THRAP3: variants seen among roughly 807,000 people sequenced by gnomAD.
THRAP3 encodes the protein thyroid hormone receptor-associated protein 3.
In THRAP3, 16 loss-of-function variants were observed where a neutral mutation model predicts 101.0. That is an observed-to-expected ratio of 0.16 (90% CI 0.11 to 0.24). The LOEUF is 0.24. Among genes scored for constraint, THRAP3 ranks in the 10% least tolerant of loss-of-function variants. THRAP3 has a pLI of 1.00. For synonymous variants in THRAP3, 407 were observed against 422.6 expected, an observed-to-expected ratio of 0.96 and a Z score of 0.45; for missense variants, 989 against 1,202.7, an observed-to-expected ratio of 0.82 and a Z score of 2.63.
Position 36,282,636 on chromosome 1 carries a change from C to A in THRAP3, c.73C>A (p.Arg25Ser). The change falls in exon 3 of 12, where the codon CGT becomes AGT. Residue 25 changes from arginine (R) to serine (S), a missense_variant. Transcript: ENST00000354618. Reference sequence around the variant, plus strand: ...AAGATCTGCATCAAGATCTCGTTCTCGTTCATTTTCGAAGTCTCGGTCCCG... The same window carrying A: ...AAGATCTGCATCAAGATCTCGTTCTAGTTCATTTTCGAAGTCTCGGTCCCG... ...RSRSASRSRS[R>S]SFSKSRSRSR... is the part of the protein sequence containing the mutation. 6.2e-7 allele frequency: 1 copy of A among 1,614,130 alleles called. No individual in the cohort carries two copies. Among genetic ancestry groups the A allele is most frequent in the Non-Finnish European group, 8.5e-7 (1 of 1,180,014 alleles).
chr1:36,262,156 CAT>C (rs1645454646), intron 2 of THRAP3, among the ~76,000 whole-genome samples: 1 of 152,150 alleles, frequency 6.6e-6, no homozygotes, highest in African/African-American at 2.4e-5. Context: ...CTTATTTCAA[CAT>C]ATAAGTGATA....
intron 2 of THRAP3, among the ~76,000 whole-genome samples, chr1:36,273,386 CA>C: frequency 6.6e-6 from 1 of 152,130 alleles, no homozygotes; most frequent in Non-Finnish European, 1.5e-5. Flanking sequence ...AGCACCTTCT[CA>C]TTATAAAAAT....
intron 1 of THRAP3, among the ~76,000 whole-genome samples, chr1:36,246,487 C>T (rs564567276): frequency 1.1e-4 from 17 of 152,016 alleles, no homozygotes; most frequent in Non-Finnish European, 2.1e-4. Flanking sequence ...TCCGCCTTGG[C>T]GTCCCAAGGT....
chr1:36,211,060 T>C, the THRAP3 span, among the ~76,000 whole-genome samples: 3 of 150,634 alleles, frequency 2.0e-5, no homozygotes, highest in Non-Finnish European at 4.4e-5. Context: ...TAAAAAAAAA[T>C]TAAAAACCCG....
chr1:36,211,782 C>T, the THRAP3 span, among the ~76,000 whole-genome samples: 1 of 152,164 alleles, frequency 6.6e-6, no homozygotes, highest in Admixed American at 6.6e-5. Context: ...GTGACGCCCC[C>T]TTGGTCAGTC....
the THRAP3 span, among the ~76,000 whole-genome samples, chr1:36,213,651 G>A: frequency 6.6e-6 from 1 of 151,698 alleles, no homozygotes; most frequent in South Asian, 2.1e-4. Context: ...TTCGAGACCA[G>A]TCTGGCCAAC....
chr1:36,215,475 A>G, the THRAP3 span, among the ~76,000 whole-genome samples: 3 of 152,094 alleles, frequency 2.0e-5, no homozygotes, highest in East Asian at 5.8e-4. Flanking sequence ...CTCTTCCCCA[A>G]TTCTTGGCCT....
At chr1:36,230,195 C>T (rs1057006051) in intron 1 of THRAP3, among the ~76,000 whole-genome samples, 2 of 151,098 alleles carry the variant, frequency 1.3e-5, no homozygotes, top group African/African-American at 2.4e-5. Flanking sequence ...CTCAGCTGAC[C>T]GCAACTTCCA....
chr1:36,236,731 CTAAT>C (rs1365462123), intron 1 of THRAP3, among the ~76,000 whole-genome samples: 1 of 152,186 alleles, frequency 6.6e-6, no homozygotes, highest in African/African-American at 2.4e-5. Flanking sequence ...TTCATATTAA[CTAAT>C]TAAACTCTAC....
intron 9 of THRAP3, 99 bp downstream of exon 9, chr1:36,296,869 A>C: frequency 1.1e-6 from 1 of 913,090 alleles, no homozygotes; most frequent in South Asian, 2.7e-5. Flanking sequence ...GTTTAGGGTT[A>C]GTAATTATAG....
chr1:36,279,533 G>A (rs1356184545), intron 2 of THRAP3, among the ~76,000 whole-genome samples: 6 of 152,134 alleles, frequency 3.9e-5, no homozygotes, highest in Non-Finnish European at 7.4e-5. Context: ...ACTTCATATA[G>A]TGACACTACT....
chr1:36,226,466 G>A (rs1436446703), intron 1 of THRAP3, among the ~76,000 whole-genome samples: 1 of 152,054 alleles, frequency 6.6e-6, no homozygotes, highest in Non-Finnish European at 1.5e-5. Context: ...CACCATGTTG[G>A]CCAGGCTAGT....
At chr1:36,216,411 G>A in the THRAP3 span, among the ~76,000 whole-genome samples, 1 of 150,920 alleles carries the variant, frequency 6.6e-6, no homozygotes, top group Non-Finnish European at 1.5e-5. Flanking sequence ...CTACTCGGGA[G>A]GCAGAGGCAG....
At chr1:36,256,336 C>T (rs1280055828) in intron 1 of THRAP3, among the ~76,000 whole-genome samples, 1 of 151,894 alleles carries the variant, frequency 6.6e-6, no homozygotes, top group African/African-American at 2.4e-5. Context: ...CGCCATTCTC[C>T]TGCCTCAGCC....
chr1:36,217,778 G>C, the THRAP3 span, among the ~76,000 whole-genome samples: 1 of 151,860 alleles, frequency 6.6e-6, no homozygotes, highest in African/African-American at 2.4e-5. Flanking sequence ...CATATAAGTG[G>C]TAAACTTAGT....
intron 9 of THRAP3, among the ~76,000 whole-genome samples, chr1:36,297,432 T>C (rs1020454518): frequency 4.0e-5 from 6 of 151,894 alleles, no homozygotes; most frequent in African/African-American, 9.7e-5. Context: ...TTTTGAACTT[T>C]AGCTGGCAAG....
the THRAP3 span, among the ~76,000 whole-genome samples, chr1:36,212,423 T>TTTTTTC: frequency 6.8e-6 from 1 of 146,706 alleles, no homozygotes; most frequent in African/African-American, 2.5e-5. Flanking sequence ...TCTTTCTTTT[T>TTTTTTC]TTTTTTTTTT....
chr1:36,286,704 A>C lies in THRAP3; in HGVS notation c.474A>C (p.Ser158=). Residue 158 remains serine, a synonymous_variant, in exon 4 of 12, where the codon TCA becomes TCC. Coordinates refer to ENST00000354618, the MANE Select transcript of THRAP3 (RefSeq NM_005119.4). The surrounding 1 kb of genome is among the most constrained non-coding windows in gnomAD (Gnocchi z 5.5). ...KSSSDRSRRS[S]SSRSSSNHSR... ...CTTCTGACCGGTCAAGGCGCTCCTC[A>C]TCCTCCCGTTCTTCCTCCAACCATA... 1 of 1,614,192 alleles carries C rather than the reference A, an allele frequency of 6.2e-7. No individual in the cohort carries two copies. Among genetic ancestry groups the C allele is most frequent in the East Asian group, 2.2e-5 (1 of 44,888 alleles).
At chr1:36,292,566 G>C in intron 6 of THRAP3, 32 bp from the exon 7 acceptor site, 2 of 1,557,774 alleles carry the variant, frequency 1.3e-6, no homozygotes, top group East Asian at 2.3e-5. Context: ...CACCATGCCT[G>C]GCCCATAATG....
Sources: allele counts gnomAD v4.1 joint callset (sites outside exome capture counted in the v4.1 genomes callset), GRCh38; gene constraint gnomAD v4.1.1; non-coding constraint Gnocchi (gnomAD v3.1); transcripts MANE v1.5; gene names NCBI Gene and HGNC (gene_info 2026-07-23, HGNC 2026-07-21).